Variants in TNPO2 observed in about 807,000 individuals in gnomAD.
The protein encoded by TNPO2 is transportin 2.
TNPO2 carries 16 observed loss-of-function variants against 111.1 expected under a neutral mutation model. The observed-to-expected ratio is 0.14, with a 90% CI of 0.10 to 0.22. The LOEUF (loss-of-function observed/expected upper bound fraction) is 0.22. Ranked by LOEUF, TNPO2 falls within the 10% of genes least tolerant of loss-of-function variation. The probability of loss-of-function intolerance (pLI) is 1.00; values close to 1 mark genes in which losing one functional copy is unlikely to be tolerated. For missense variants in TNPO2, 530 were observed against 1,173.7 expected (o/e 0.45, Z 8.01); for synonymous variants, 481 against 475.8 (o/e 1.01, Z -0.14).
chr19:12,705,957 AC>A lies in TNPO2; in HGVS notation c.1669-190del. ...GTCCAAGCACCGCCCGCCCCACCCC[AC>A]CCCCCGGGAGCCTGGGTTACCACCT... On this transcript the variant is annotated intron_variant, in intron 15 of 25. Coordinates refer to ENST00000425528, the MANE Select transcript of TNPO2 (RefSeq NM_001382241.1). The surrounding 1 kb of genome is among the most constrained non-coding windows in gnomAD (Gnocchi z 7.2). 2 of 470,980 alleles carry A rather than the reference AC, an allele frequency of 4.2e-6. No homozygotes were observed. Among genetic ancestry groups the A allele is most frequent in the Admixed American group, 3.5e-5 (1 of 28,484 alleles). 29.2% of individuals were successfully genotyped at this position (470,980 alleles called of 1,614,324 possible). A position where few individuals can be genotyped will look rare whatever the true frequency, so the allele number is the denominator to read the frequency against.
chr19:12,719,371 C>T lies in TNPO2; in HGVS notation c.100-35G>A. ...TGTTAAGGGACTTGGAAGACAGAGG[C>T]CTTCCCCCAGCCAGGTCCCCTCATT... is the stretch of plus-strand genomic sequence containing the variant. On this transcript the variant is annotated intron_variant, in intron 3 of 25. Transcript: ENST00000425528. This position sits in a 1 kb window ranked among gnomAD's most constrained non-coding sequence, Gnocchi z 5.0. 6.3e-7 allele frequency: 1 copy of T among 1,587,554 alleles called. No homozygotes were observed. The highest frequency in any genetic ancestry group is 8.6e-7 in the Non-Finnish European group (1 of 1,156,764).
rs774568912 is a variant in TNPO2 at position 12,719,033 on chromosome 19, G to C, written c.321C>G (p.Thr107=). The C allele has an allele frequency of 8.1e-6, 13 of 1,613,508 alleles. No individual in the cohort carries two copies. The highest frequency in any genetic ancestry group is 2.2e-5 in the South Asian group (2 of 91,050). Reference sequence around the variant, plus strand: ...AACCCCCGCTGCCCCTCTCACCAATGGTGGCTCGGATGAGCGAGGAGGCAT... The same window carrying C: ...AACCCCCGCTGCCCCTCTCACCAATCGTGGCTCGGATGAGCGAGGAGGCAT... ...IGDASSLIRA[T]IGILITTIAS... Residue 107 remains threonine (T), a synonymous_variant, in exon 5 of 26, where the codon ACC becomes ACG. Coordinates refer to ENST00000425528, the MANE Select transcript of TNPO2 (RefSeq NM_001382241.1). This position sits in a 1 kb window ranked among gnomAD's most constrained non-coding sequence, Gnocchi z 5.0.
Position 12,711,602 on chromosome 19 carries a change from A to G in TNPO2, c.902T>C (p.Ile301Thr). The change falls in exon 11 of 26, where the codon ATC becomes ACC. Residue 301 changes from isoleucine (I) to threonine (T), a missense_variant. By Grantham distance (89) the Ile-to-Thr change is moderately conservative. Coordinates refer to ENST00000425528, the MANE Select transcript of TNPO2 (RefSeq NM_001382241.1). ...LASHLVQLIP[I>T]LVNGMKYSEI... ...CGAGTACTTCATCCCATTCACCAAG[A>G]TGGGGATCAACCTGCACAGAGAGGG... 1 of 1,613,626 alleles carries G rather than the reference A, an allele frequency of 6.2e-7. No homozygotes were observed. The highest frequency in any genetic ancestry group is 1.1e-5 in the South Asian group (1 of 91,042).
rs553745471 is a variant in TNPO2, at chr19:12,718,924, C to G, written c.325+105G>C. The G allele has an allele frequency of 2.1e-6, 3 of 1,413,206 alleles. No homozygotes were observed. In the East Asian group the frequency reaches 6.9e-5, roughly 32 times the overall value. The allele number at this position is 1,413,206 out of a possible 1,614,324, so 87.5% of individuals were successfully genotyped here. A position where few individuals can be genotyped will look rare whatever the true frequency, so the allele number is the denominator to read the frequency against. ...CTATCAAATGGCAATAGTAATAGTA[C>G]TACCATAGAGGGTGCCAGAGCATTC... is the stretch of plus-strand genomic sequence containing the variant. On this transcript the variant is annotated intron_variant, in intron 5 of 25. Coordinates refer to ENST00000425528, the MANE Select transcript of TNPO2 (RefSeq NM_001382241.1).
intron 20 of TNPO2, chr19:12,703,158 T>C (rs1402803180): frequency 3.4e-6 from 2 of 584,074 alleles, no homozygotes; most frequent in East Asian, 5.6e-5. Flanking sequence ...GACAACACGC[T>C]GCCCAAGTCA....
Position 12,705,497 on chromosome 19 carries a change from C to T in TNPO2, c.1858G>A (p.Ala620Thr), listed in dbSNP as rs1335485424. The T allele has an allele frequency of 1.3e-6, 2 of 1,594,158 alleles. No homozygotes were observed. Among genetic ancestry groups the T allele is most frequent in the Non-Finnish European group, 1.7e-6 (2 of 1,170,934 alleles). ...ACGGGCCTAGGGTTGCTCACCATGG[C>T]CTGAGCCAGTGTCTTCTGCACCAGG... ...VTLVQKTLAQ[A>T]MMYTQHPEQY... Residue 620 changes from alanine (A) to threonine (T), a missense_variant, in exon 17 of 26, where the codon GCC becomes ACC. Transcript: ENST00000425528. This position sits in a 1 kb window ranked among gnomAD's most constrained non-coding sequence, Gnocchi z 7.2.
chr19:12,702,948 C>G lies in TNPO2; in HGVS notation c.2210-30G>C. Reference sequence around the variant, plus strand: ...GGGAGCACCCAGTCAGAGCCCTGCACAGCCCCCGCCACCCACAGGGGCCAG... The same window carrying G: ...GGGAGCACCCAGTCAGAGCCCTGCAGAGCCCCCGCCACCCACAGGGGCCAG... On this transcript the variant is annotated intron_variant, in intron 20 of 25. Coordinates refer to ENST00000425528, the MANE Select transcript of TNPO2 (RefSeq NM_001382241.1). The surrounding 1 kb of genome is among the most constrained non-coding windows in gnomAD (Gnocchi z 5.5). The G allele has an allele frequency of 1.2e-6, 2 of 1,603,460 alleles. No individual in the cohort carries two copies. Among genetic ancestry groups the G allele is most frequent in the South Asian group, 2.2e-5 (2 of 90,766 alleles).
chr19:12,716,423 C>T (rs982157407), intron 5 of TNPO2, among the ~76,000 whole-genome samples: 12 of 151,788 alleles, frequency 7.9e-5, no homozygotes, highest in African/African-American at 2.2e-4. Context: ...GTCAGGAGTT[C>T]GAAACCAGCC....
At position 12,715,057 on chromosome 19, in the gene TNPO2, C is replaced by A; in HGVS notation, c.761G>T (p.Ser254Ile). Reference sequence around the variant, plus strand: ...CTTGACCATGCACACCTGGATGATGCTGTGCATGTGGGGGATGAGCCTGTC... The same window carrying A: ...CTTGACCATGCACACCTGGATGATGATGTGCATGTGGGGGATGAGCCTGTC... ...RIDRLIPHMH[S>I]IIQYMLQRTQ... The change falls in exon 9 of 26, where the codon AGC becomes ATC. Residue 254 changes from serine to isoleucine, a missense_variant. Ser to Ile is a moderately radical substitution (Grantham distance 142). Coordinates refer to ENST00000425528, the MANE Select transcript of TNPO2 (RefSeq NM_001382241.1). The surrounding 1 kb of genome is among the most constrained non-coding windows in gnomAD (Gnocchi z 7.1). 6.4e-7 allele frequency: 1 copy of A among 1,572,008 alleles called. No homozygotes were observed. Among genetic ancestry groups the A allele is most frequent in the South Asian group, 1.2e-5 (1 of 84,020 alleles).
chr19:12,704,417 C>A (rs905661718), intron 18 of TNPO2, among the ~76,000 whole-genome samples: 1 of 152,074 alleles, frequency 6.6e-6, no homozygotes, highest in African/African-American at 2.4e-5. Flanking sequence ...TGCATATGCA[C>A]CTATGCACAT....
At position 12,720,865 on chromosome 19, in the gene TNPO2, G is replaced by C. The variant is rs758962729; in HGVS notation, c.99+14C>G. On this transcript the variant is annotated intron_variant, in intron 3 of 25. Transcript: ENST00000425528. ...CTACCCGGCTCCCCCAGCCCCGGAAGGAAGGAAGGATACATCCTGCACGAT... is the reference window on the plus strand; with the variant it reads ...CTACCCGGCTCCCCCAGCCCCGGAACGAAGGAAGGATACATCCTGCACGAT... 3.8e-5 allele frequency: 60 copies of C among 1,585,070 alleles called. 1 individual carries two copies. The South Asian group carries it at 5.8e-4, about 15-fold the overall frequency.
Position 12,702,716 on chromosome 19 carries a change from C to T in TNPO2, c.2305+107G>A, listed in dbSNP as rs1254195962. The T allele has an allele frequency of 3.0e-6, 3 of 1,014,398 alleles. No homozygotes were observed. The highest frequency in any genetic ancestry group is 4.6e-6 in the Non-Finnish European group (3 of 658,006). 62.8% of individuals were successfully genotyped at this position (1,014,398 alleles called of 1,614,324 possible). The stretch of plus-strand genomic sequence containing the variant: ...GACCCCTTCCAGGTACTTCCAGACA[C>T]CCTCCTTGGTTCCTTGACAAGGCTC... On this transcript the variant is annotated intron_variant, in intron 21 of 25. Transcript: ENST00000425528. The surrounding 1 kb of genome is among the most constrained non-coding windows in gnomAD (Gnocchi z 5.5).
chr19:12,715,640 G>A lies in TNPO2; in HGVS notation c.425C>T (p.Thr142Ile). 1 of 1,613,808 alleles carries A rather than the reference G, an allele frequency of 6.2e-7. No individual in the cohort carries two copies. Among genetic ancestry groups the A allele is most frequent in the Non-Finnish European group, 8.5e-7 (1 of 1,179,804 alleles). ...CCATGGCTTCTTGCCTACCTCACAAGTGTTGTAATCCTCCGAGTTAAGCAG... is the reference window on the plus strand; with the variant it reads ...CCATGGCTTCTTGCCTACCTCACAAATGTTGTAATCCTCCGAGTTAAGCAG... The part of the protein sequence containing the change: ...CNLLNSEDYN[T>I]CEGAFGALQK... Residue 142 changes from threonine to isoleucine, a missense_variant, in exon 6 of 26, where the codon ACT becomes ATT. Physicochemically the swap from Thr to Ile is moderately conservative, Grantham distance 89 (BLOSUM62 -1). Around this residue, in one of 4 missense-constraint regions of TNPO2, gnomAD observed 156 missense variants for 405.8 expected, o/e 0.38. Coordinates refer to ENST00000425528, the MANE Select transcript of TNPO2 (RefSeq NM_001382241.1). The surrounding 1 kb of genome is among the most constrained non-coding windows in gnomAD (Gnocchi z 7.1).
rs969489977 is a variant in TNPO2, at chr19:12,703,733, G to A, written c.2091C>T (p.Ile697=). 1 of 1,608,484 alleles carries A rather than the reference G, an allele frequency of 6.2e-7. No homozygotes were observed. The highest frequency in any genetic ancestry group is 8.5e-7 in the Non-Finnish European group (1 of 1,177,450). ...LLGDLTKACF[I]HVKPCIAEFM... ...TCGTACCGATACAGGGCTTGACATG[G>A]ATGAAGCAGGCTTTGGTGAGGTCTC... The change falls in exon 19 of 26, where the codon ATC becomes ATT. Residue 697 remains isoleucine (I), a synonymous_variant. Coordinates refer to ENST00000425528, the MANE Select transcript of TNPO2 (RefSeq NM_001382241.1).
chr19:12,701,513 C>T lies in TNPO2; in HGVS notation c.2587-60G>A. ...GCAGAACAAGGGGAGTGCGCCTCTT[C>T]CCCCATCCCCAGGCCCCATTGTTAC... On this transcript the variant is annotated intron_variant, in intron 24 of 25. Coordinates refer to ENST00000425528, the MANE Select transcript of TNPO2 (RefSeq NM_001382241.1). This position sits in a 1 kb window ranked among gnomAD's most constrained non-coding sequence, Gnocchi z 5.0. The T allele has an allele frequency of 7.5e-6, 12 of 1,593,228 alleles. No homozygotes were observed. The highest frequency in any genetic ancestry group is 1.3e-5 in the African/African-American group (1 of 74,606).
rs2025382561 is a variant in TNPO2, at chr19:12,702,506, G to C, written c.2305+317C>G. On this transcript the variant is annotated intron_variant, in intron 21 of 25. Coordinates refer to ENST00000425528, the MANE Select transcript of TNPO2 (RefSeq NM_001382241.1). This position sits in a 1 kb window ranked among gnomAD's most constrained non-coding sequence, Gnocchi z 5.5. ...CTCAGCCTCCCGAGTAGCTGGGATTGCAGGCACGTGCCATTACCCCCGGCT... is the reference window on the plus strand; with the variant it reads ...CTCAGCCTCCCGAGTAGCTGGGATTCCAGGCACGTGCCATTACCCCCGGCT... The C allele has an allele frequency of 3.8e-6, 2 of 530,800 alleles. No individual in the cohort carries two copies. Among genetic ancestry groups the C allele is most frequent in the African/African-American group, 1.9e-5 (1 of 51,940 alleles). 32.9% of individuals were successfully genotyped at this position (530,800 alleles called of 1,614,324 possible).
rs1966974798 is a variant in TNPO2, at chr19:12,721,793, C to T, written c.-13-803G>A. 1 of 154,556 alleles carries T rather than the reference C, an allele frequency of 6.5e-6. No homozygotes were observed. The highest frequency in any genetic ancestry group is 2.4e-5 in the African/African-American group (1 of 41,366). The allele number at this position is 154,556 out of a possible 1,614,324, so 9.6% of individuals were successfully genotyped here. ...TCTGGCCAAGCCTCTCCCTGAAATTCCCTCCGACCCTGTCAGCAGTAACCC... is the reference window on the plus strand; with the variant it reads ...TCTGGCCAAGCCTCTCCCTGAAATTTCCTCCGACCCTGTCAGCAGTAACCC... On this transcript the variant is annotated intron_variant, in intron 2 of 25. Coordinates refer to ENST00000425528, the MANE Select transcript of TNPO2 (RefSeq NM_001382241.1). This position sits in a 1 kb window ranked among gnomAD's most constrained non-coding sequence, Gnocchi z 4.9.
chr19:12,701,740 A>C lies in TNPO2; in HGVS notation c.2511+12T>G. 1 of 1,613,624 alleles carries C rather than the reference A, an allele frequency of 6.2e-7. No homozygotes were observed. The highest frequency in any genetic ancestry group is 8.5e-7 in the Non-Finnish European group (1 of 1,179,706). ...GCGCCCGCGCCTGCCCTCAGAGCCC[A>C]GCTGCCCCAACCTGCACAACGCCCC... On this transcript the variant is annotated intron_variant, in intron 23 of 25. Transcript: ENST00000425528. This position sits in a 1 kb window ranked among gnomAD's most constrained non-coding sequence, Gnocchi z 5.0.
At chr19:12,703,864 G>GGGCAC in intron 18 of TNPO2, 63 bp from the exon 19 acceptor site, 1 of 1,414,686 alleles carries the variant, frequency 7.1e-7, no homozygotes, top group African/African-American at 1.4e-5. Flanking sequence ...ACAGCTCAGG[G>GGGCAC]GGCACAGTCC....
Sources: allele counts gnomAD v4.1 joint callset (sites outside exome capture counted in the v4.1 genomes callset), GRCh38; gene constraint gnomAD v4.1.1; regional missense constraint gnomAD v4.1.1; non-coding constraint Gnocchi (gnomAD v3.1); transcripts MANE v1.5; gene names NCBI Gene and HGNC (gene_info 2026-07-23, HGNC 2026-07-21).